Variants in PRKG1 observed in about 807,000 individuals in gnomAD.
The protein encoded by PRKG1 is protein kinase cGMP-dependent 1.
In PRKG1, 35 loss-of-function variants were observed where a neutral mutation model predicts 88.1. The ratio of observed to expected loss-of-function variants is 0.40; its 90% CI spans 0.30 to 0.53. The LOEUF (loss-of-function observed/expected upper bound fraction) is 0.53. Among genes scored for constraint, PRKG1 ranks in the 20% least tolerant of loss-of-function variants. The pLI, the probability that PRKG1 is intolerant of heterozygous loss-of-function variation, is 0.59. For synonymous variants in PRKG1, 303 were observed against 292.5 expected (o/e 1.04, Z -0.37); for missense variants, 540 against 839.8 (o/e 0.64, Z 4.41).
intron 2 of PRKG1, among the ~76,000 whole-genome samples, chr10:51,178,178 A>G (rs1299828722): frequency 1.3e-5 from 2 of 152,166 alleles, no homozygotes; most frequent in Non-Finnish European, 2.9e-5. Context: ...AGTGATTAAA[A>G]AATATATTTA....
At chr10:52,034,303 G>A (rs1467227141) in intron 5 of PRKG1, among the ~76,000 whole-genome samples, 1 of 136,806 alleles carries the variant, frequency 7.3e-6, no homozygotes, top group African/African-American at 2.8e-5. Context: ...GAGAGAGAAT[G>A]GGCGATGTTT....
rs769304908 is a variant in PRKG1, at chr10:51,639,436, C to CAAAAAA, written c.593-165112_593-165107dup. 1.1e-3 allele frequency among the ~76,000 whole-genome samples: 35 copies of CAAAAAA among 31,796 alleles called. 3 individuals carry two copies. The highest frequency in any genetic ancestry group is 3.1e-3 in the East Asian group (3 of 974). 20.9% of individuals were successfully genotyped at this position (31,796 alleles called of 152,430 possible). On this transcript the variant is annotated intron_variant, in intron 3 of 17. Transcript: ENST00000373980. ...GCGGCGACAGAGCCAGACTCCATCT[C>CAAAAAA]AAAAAAAAAAAAAAAAAAAAAAAAA... is the stretch of plus-strand genomic sequence containing the variant.
chr10:51,677,242 T>A (rs1411680001), intron 3 of PRKG1, among the ~76,000 whole-genome samples: 1 of 152,210 alleles, frequency 6.6e-6, no homozygotes, highest in Admixed American at 6.5e-5. Flanking sequence ...AGTATTCCAT[T>A]GTATGCATAT....
chr10:51,521,897 G>T (rs563433891), intron 3 of PRKG1, among the ~76,000 whole-genome samples: 4 of 152,002 alleles, frequency 2.6e-5, no homozygotes, highest in Admixed American at 2.6e-4. Context: ...ATCCTTTAGG[G>T]CACTTTAATA....
At chr10:51,449,303 G>C (rs932520482) in intron 2 of PRKG1, among the ~76,000 whole-genome samples, 1 of 151,796 alleles carries the variant, frequency 6.6e-6, no homozygotes, top group African/African-American at 2.4e-5. Context: ...TTACAGGATG[G>C]TATTAGCACA....
chr10:51,284,222 A>G (rs1840374964), intron 2 of PRKG1, among the ~76,000 whole-genome samples: 1 of 152,252 alleles, frequency 6.6e-6, no homozygotes, highest in South Asian at 2.1e-4. Flanking sequence ...TTGTAAAGCA[A>G]GAAAAGCCTT....
At chr10:51,295,696 G>A (rs1408017506) in intron 2 of PRKG1, among the ~76,000 whole-genome samples, 1 of 151,592 alleles carries the variant, frequency 6.6e-6, no homozygotes, top group African/African-American at 2.4e-5. Flanking sequence ...GTTCTGGCTA[G>A]GACTTCCAGT....
At chr10:51,259,917 T>A (rs1381716288) in intron 2 of PRKG1, among the ~76,000 whole-genome samples, 5 of 152,222 alleles carry the variant, frequency 3.3e-5, no homozygotes, top group Non-Finnish European at 7.3e-5. Flanking sequence ...TAAGTGCTTA[T>A]ATGCTTGACT....
intron 2 of PRKG1, among the ~76,000 whole-genome samples, chr10:51,166,249 A>G (rs1394068125): frequency 6.6e-6 from 1 of 151,740 alleles, no homozygotes; most frequent in Non-Finnish European, 1.5e-5. Flanking sequence ...ACTTGCTCCG[A>G]TATTACCAGT....
intron 9 of PRKG1, among the ~76,000 whole-genome samples, chr10:52,201,086 T>C (rs1188289573): frequency 6.6e-6 from 1 of 152,206 alleles, no homozygotes; most frequent in African/African-American, 2.4e-5. Flanking sequence ...CTTTTGTTTT[T>C]GTTGCAATTA....
chr10:52,145,836 A>G (rs941940912), intron 8 of PRKG1, among the ~76,000 whole-genome samples: 1 of 152,200 alleles, frequency 6.6e-6, no homozygotes, highest in Non-Finnish European at 1.5e-5. Context: ...GCATGGATGT[A>G]TGAATTGGAT....
chr10:52,000,670 C>T (rs1844570977), intron 5 of PRKG1, among the ~76,000 whole-genome samples: 1 of 152,010 alleles, frequency 6.6e-6, no homozygotes, highest in Non-Finnish European at 1.5e-5. Context: ...TCTTCTATCT[C>T]TTCTACTTAT....
chr10:52,259,483 T>C (rs1841384078), intron 10 of PRKG1, among the ~76,000 whole-genome samples: 1 of 152,086 alleles, frequency 6.6e-6, no homozygotes, highest in Non-Finnish European at 1.5e-5. Flanking sequence ...ATGAAACAGG[T>C]AATTCTGTAT....
chr10:51,784,509 G>A (rs1321705239), intron 3 of PRKG1, among the ~76,000 whole-genome samples: 1 of 152,036 alleles, frequency 6.6e-6, no homozygotes, highest in Non-Finnish European at 1.5e-5. Context: ...TTTACCCTGG[G>A]ACATTTCTAA....
intron 5 of PRKG1, among the ~76,000 whole-genome samples, chr10:51,996,753 C>G (rs1188208484): frequency 6.6e-6 from 1 of 151,922 alleles, no homozygotes; most frequent in Non-Finnish European, 1.5e-5. Context: ...GAAATGGAAC[C>G]CCCATATAAT....
chr10:51,078,774 G>A (rs1844033635), intron 1 of PRKG1, among the ~76,000 whole-genome samples: 10 of 151,640 alleles, frequency 6.6e-5, no homozygotes, highest in South Asian at 4.2e-4. Context: ...CAGCCACCAC[G>A]CCCGGCTAAT....
At chr10:51,883,020 T>G in intron 4 of PRKG1, among the ~76,000 whole-genome samples, 1 of 152,278 alleles carries the variant, frequency 6.6e-6, no homozygotes, top group South Asian at 2.1e-4. Flanking sequence ...TTTGAACTGG[T>G]AGTAAGTAAA....
chr10:51,696,504 T>G (rs949822651), intron 3 of PRKG1: 1 of 151,634 alleles, frequency 6.6e-6, no homozygotes, highest in Non-Finnish European at 1.5e-5. Context: ...ATTGAGAGAT[T>G]ATTGGGTTTC....
chr10:51,597,922 T>G (rs1161051087), intron 3 of PRKG1, among the ~76,000 whole-genome samples: 2 of 152,180 alleles, frequency 1.3e-5, no homozygotes, highest in Non-Finnish European at 2.9e-5. Context: ...TATTTAAATA[T>G]AAGTTAGAGA....
Sources: gnomAD v4.1 joint callset for allele counts (sites outside exome capture counted in the v4.1 genomes callset) on GRCh38, gnomAD v4.1.1 for gene constraint, MANE v1.5 for transcripts, NCBI Gene and HGNC (gene_info 2026-07-23, HGNC 2026-07-21) for gene names.